The following SCRG1 variants were observed in gnomAD, a reference collection of about 807,000 sequenced individuals.
SCRG1 encodes the protein stimulator of chondrogenesis 1.
A neutral mutation model predicts 7.7 loss-of-function variants in SCRG1; 3 were observed. The ratio of observed to expected loss-of-function variants is 0.39; its 90% CI spans 0.18 to 1.01. SCRG1 has a LOEUF of 1.01. Among genes scored for constraint, SCRG1 ranks in the 50% least tolerant of loss-of-function variants. SCRG1 has a pLI of 0.36. For missense variants in SCRG1, 110 were observed against 117.2 expected (o/e 0.94, Z 0.28); for synonymous variants, 46 against 41.2 (o/e 1.12, Z -0.44).
the SCRG1 span, among the ~76,000 whole-genome samples, chr4:173,430,083 G>T: frequency 1.3e-5 from 2 of 151,980 alleles, no homozygotes; most frequent in Non-Finnish European, 2.9e-5. Flanking sequence ...TTGGGCCCAT[G>T]AAAGGCAGAA....
the SCRG1 span, among the ~76,000 whole-genome samples, chr4:173,457,603 C>A: frequency 6.6e-6 from 1 of 152,202 alleles, no homozygotes; most frequent in African/African-American, 2.4e-5. Context: ...AAGGCTGGCA[C>A]TTGGTGACTG....
chr4:173,504,482 C>T, the SCRG1 span, among the ~76,000 whole-genome samples: 2 of 152,148 alleles, frequency 1.3e-5, no homozygotes, highest in Non-Finnish European at 1.5e-5. The surrounding 1 kb of genome is among the most constrained non-coding windows in gnomAD (Gnocchi z 4.7). Context: ...GTGGGACTCC[C>T]AGGCAAAAGA....
the SCRG1 span, among the ~76,000 whole-genome samples, chr4:173,426,800 A>C: frequency 6.6e-6 from 1 of 152,124 alleles, no homozygotes; most frequent in African/African-American, 2.4e-5. Context: ...TTGATTTGGA[A>C]AGCTTATTTG....
the SCRG1 span, among the ~76,000 whole-genome samples, chr4:173,508,184 G>A: frequency 6.6e-6 from 1 of 152,216 alleles, no homozygotes; most frequent in Non-Finnish European, 1.5e-5. The surrounding 1 kb of genome is among the most constrained non-coding windows in gnomAD (Gnocchi z 4.4). Context: ...CCGCCTAAAT[G>A]TACAGAGCAA....
chr4:173,426,420 G>A, the SCRG1 span, among the ~76,000 whole-genome samples: 1 of 152,178 alleles, frequency 6.6e-6, no homozygotes, highest in South Asian at 2.1e-4. Context: ...CCAGGTGTAA[G>A]TAGATGCCCA....
At chr4:173,388,824 T>C (rs1432872784) in intron 2 of SCRG1, among the ~76,000 whole-genome samples, 1 of 152,190 alleles carries the variant, frequency 6.6e-6, no homozygotes. Context: ...TAACTTTCCC[T>C]GGTTGAAAAG....
At chr4:173,493,948 G>A in the SCRG1 span, among the ~76,000 whole-genome samples, 1 of 152,100 alleles carries the variant, frequency 6.6e-6, no homozygotes, top group East Asian at 1.9e-4. Context: ...CCCTGTCCCT[G>A]TTAAATAATA....
the SCRG1 span, among the ~76,000 whole-genome samples, chr4:173,474,065 G>A: frequency 2.6e-5 from 4 of 151,880 alleles, no homozygotes; most frequent in Non-Finnish European, 4.4e-5. Flanking sequence ...CTGTAATCCC[G>A]GCTACTCAGG....
chr4:173,442,700 AGGGCCGCATCT>A, the SCRG1 span, among the ~76,000 whole-genome samples: 2 of 152,196 alleles, frequency 1.3e-5, no homozygotes, highest in Non-Finnish European at 2.9e-5. Context: ...CCAATATCAA[AGGGCCGCATCT>A]GGTGAGGGCC....
chr4:173,453,486 A>C, the SCRG1 span, among the ~76,000 whole-genome samples: 1 of 152,228 alleles, frequency 6.6e-6, no homozygotes, highest in African/African-American at 2.4e-5. Flanking sequence ...GGTAGAGCCT[A>C]CTACACACCT....
the SCRG1 span, among the ~76,000 whole-genome samples, chr4:173,437,225 T>C: frequency 6.6e-6 from 1 of 152,206 alleles, no homozygotes. Flanking sequence ...TTAGGGCAAT[T>C]TACTATGTAA....
chr4:173,483,224 A>G, the SCRG1 span, among the ~76,000 whole-genome samples: 5 of 82,556 alleles, frequency 6.1e-5, no homozygotes, highest in Non-Finnish European at 1.1e-4. Context: ...TATAATATAT[A>G]TATTATATAT....
the SCRG1 span, among the ~76,000 whole-genome samples, chr4:173,444,023 G>T: frequency 2.6e-5 from 4 of 151,376 alleles, no homozygotes; most frequent in African/African-American, 9.7e-5. Context: ...ACCCAGGCTG[G>T]AGTGCAATGG....
At chr4:173,443,943 TTGTGTGTGTGTG>T in the SCRG1 span, among the ~76,000 whole-genome samples, 25 of 138,794 alleles carry the variant, frequency 1.8e-4, no homozygotes, top group African/African-American at 3.5e-4. Context: ...AGAGCTTGTT[TTGTGTGTGTGTG>T]TGTGTGTGTG....
chr4:173,498,627 T>C, the SCRG1 span, among the ~76,000 whole-genome samples: 3 of 152,340 alleles, frequency 2.0e-5, no homozygotes, highest in East Asian at 5.8e-4. Context: ...AAGGGGCTCA[T>C]TGAATGTTGA....
the SCRG1 span, among the ~76,000 whole-genome samples, chr4:173,477,889 C>T: frequency 1.3e-5 from 2 of 152,028 alleles, no homozygotes; most frequent in Non-Finnish European, 2.9e-5. Context: ...CCCCCACAGC[C>T]TCCTGAGTAG....
the SCRG1 span, among the ~76,000 whole-genome samples, chr4:173,493,883 T>C: frequency 4.6e-5 from 7 of 152,294 alleles, no homozygotes; most frequent in Non-Finnish European, 8.8e-5. Flanking sequence ...GCGTTTTTGT[T>C]TGATGATTTT....
chr4:173,446,217 A>T, the SCRG1 span, among the ~76,000 whole-genome samples: 1 of 152,164 alleles, frequency 6.6e-6, no homozygotes, highest in African/African-American at 2.4e-5. Flanking sequence ...ATTAAGTTTC[A>T]GAGGGTCTAT....
chr4:173,509,661 G>A, the SCRG1 span, among the ~76,000 whole-genome samples: 1 of 152,078 alleles, frequency 6.6e-6, no homozygotes, highest in Non-Finnish European at 1.5e-5. This position sits in a 1 kb window ranked among gnomAD's most constrained non-coding sequence, Gnocchi z 5.7. Flanking sequence ...CTCCTGGGCC[G>A]CGCGGCTGCA....
Sources: allele counts gnomAD v4.1 joint callset (sites outside exome capture counted in the v4.1 genomes callset), GRCh38; gene constraint gnomAD v4.1.1; non-coding constraint Gnocchi (gnomAD v3.1); transcripts MANE v1.5; gene names NCBI Gene and HGNC (gene_info 2026-07-23, HGNC 2026-07-21).